Variants in FHIT observed in about 807,000 individuals in gnomAD.
FHIT encodes fragile histidine triad diadenosine triphosphatase.
A neutral mutation model predicts 17.9 loss-of-function variants in FHIT; 19 were observed. The ratio of observed to expected loss-of-function variants is 1.06; its 90% CI spans 0.74 to 1.56. The LOEUF (loss-of-function observed/expected upper bound fraction) is 1.56, where lower values mean the gene tolerates loss of function less well. Among genes scored for constraint, FHIT ranks in the 40% most tolerant of loss-of-function variants. The pLI, the probability that FHIT is intolerant of heterozygous loss-of-function variation, is 0.00. For missense variants in FHIT, 248 were observed against 189.2 expected (o/e 1.31, Z -1.82); for synonymous variants, 81 against 69.7 (o/e 1.16, Z -0.81).
At chr3:60,814,806 C>A (rs537298285) in intron 4 of FHIT, among the ~76,000 whole-genome samples, 4 of 152,112 alleles carry the variant, frequency 2.6e-5, no homozygotes, top group African/African-American at 9.6e-5. Flanking sequence ...AGTGGCCGAA[C>A]TAATTTACAT....
At chr3:60,530,329 G>C (rs1171044762) in intron 5 of FHIT, among the ~76,000 whole-genome samples, 1 of 152,296 alleles carries the variant, frequency 6.6e-6, no homozygotes, top group East Asian at 1.9e-4. Flanking sequence ...CTCAGGAACA[G>C]TGTTTCGTGG....
At chr3:59,791,433 G>A (rs1699554799) in intron 8 of FHIT, among the ~76,000 whole-genome samples, 1 of 152,216 alleles carries the variant, frequency 6.6e-6, no homozygotes. Context: ...CCTGAGAGAA[G>A]CAGAGAGACA....
intron 5 of FHIT, among the ~76,000 whole-genome samples, chr3:60,052,215 C>A (rs1701908853): frequency 6.6e-6 from 1 of 152,072 alleles, no homozygotes; most frequent in Admixed American, 6.6e-5. Context: ...ACCAAGAACA[C>A]CAGAAATAAA....
chr3:60,544,512 G>T (rs2036296161), intron 4 of FHIT, among the ~76,000 whole-genome samples: 1 of 151,144 alleles, frequency 6.6e-6, no homozygotes, highest in Non-Finnish European at 1.5e-5. Context: ...CCGTCACAAG[G>T]TATTATTTTT....
At position 60,732,363 on chromosome 3, in the gene FHIT, T is replaced by C. The variant is rs559881330; in HGVS notation, c.-18+89556A>G. 41 of 833,320 alleles carry C rather than the reference T, an allele frequency of 4.9e-5. No individual in the cohort carries two copies. The East Asian group carries it at 9.8e-4, about 20-fold the overall frequency. 51.6% of individuals were successfully genotyped at this position (833,320 alleles called of 1,614,324 possible). A position where few individuals can be genotyped will look rare whatever the true frequency, so the allele number is the denominator to read the frequency against. On this transcript the variant is annotated intron_variant, in intron 4 of 9. Coordinates refer to ENST00000492590, the MANE Select transcript of FHIT (RefSeq NM_002012.4). Reference sequence around the variant, plus strand: ...CATGGGCAAGATGCCAGTACCTCTATGCTTCAGGATGAAGTTCTCCTCATC... The same window carrying C: ...CATGGGCAAGATGCCAGTACCTCTACGCTTCAGGATGAAGTTCTCCTCATC...
chr3:59,954,890 C>T (rs1391964232), intron 7 of FHIT, among the ~76,000 whole-genome samples: 1 of 152,122 alleles, frequency 6.6e-6, no homozygotes, highest in Non-Finnish European at 1.5e-5. Context: ...CAGAACTGTT[C>T]CAGAAGGTAA....
intron 8 of FHIT, among the ~76,000 whole-genome samples, chr3:59,892,874 G>A (rs927422607): frequency 2.0e-5 from 3 of 152,208 alleles, no homozygotes; most frequent in South Asian, 2.1e-4. Context: ...GTCATATTTG[G>A]GCAGCCTGAA....
intron 5 of FHIT, among the ~76,000 whole-genome samples, chr3:60,018,305 G>T (rs1388513404): frequency 2.6e-5 from 4 of 152,164 alleles, no homozygotes; most frequent in Non-Finnish European, 4.4e-5. Flanking sequence ...AGTGATTCAT[G>T]AAGGATCTGC....
chr3:60,312,403 A>G (rs748954770), intron 5 of FHIT, among the ~76,000 whole-genome samples: 6 of 152,064 alleles, frequency 3.9e-5, no homozygotes, highest in Non-Finnish European at 8.8e-5. Context: ...TTGGCCCCCC[A>G]AAGTGCCAGG....
intron 5 of FHIT, among the ~76,000 whole-genome samples, chr3:60,165,859 G>C (rs546766500): frequency 4.6e-5 from 7 of 152,090 alleles, no homozygotes; most frequent in Non-Finnish European, 1.0e-4. Flanking sequence ...CAATTTCAGG[G>C]CTGTGTGTGT....
chr3:60,452,043 T>C (rs972620338), intron 5 of FHIT, among the ~76,000 whole-genome samples: 1 of 152,172 alleles, frequency 6.6e-6, no homozygotes, highest in Non-Finnish European at 1.5e-5. Context: ...GCTTTCCCTC[T>C]GAGCAAATAA....
At chr3:60,789,173 T>TAGAGAGAG (rs1443026766) in intron 4 of FHIT, among the ~76,000 whole-genome samples, 6 of 98,720 alleles carry the variant, frequency 6.1e-5, no homozygotes, top group African/African-American at 2.3e-4. Context: ...TATATATATA[T>TAGAGAGAG]ATAGAGAGAG....
chr3:59,907,745 A>G (rs1559719363), intron 8 of FHIT, among the ~76,000 whole-genome samples: 2 of 152,214 alleles, frequency 1.3e-5, no homozygotes, highest in Admixed American at 6.5e-5. Context: ...GTGGCTTAAA[A>G]CAACACAAAT....
chr3:61,229,453 T>C (rs1031860912), intron 1 of FHIT, among the ~76,000 whole-genome samples: 1 of 152,140 alleles, frequency 6.6e-6, no homozygotes, highest in African/African-American at 2.4e-5. Flanking sequence ...GGAAATAAAT[T>C]TCTGTTGTTT....
At chr3:61,224,592 T>A (rs1185857312) in intron 1 of FHIT, among the ~76,000 whole-genome samples, 1 of 152,128 alleles carries the variant, frequency 6.6e-6, no homozygotes, top group African/African-American at 2.4e-5. Flanking sequence ...TTATTTTTAA[T>A]AGAGACGGGG....
At chr3:60,106,263 C>A (rs1704406199) in intron 5 of FHIT, among the ~76,000 whole-genome samples, 1 of 152,106 alleles carries the variant, frequency 6.6e-6, no homozygotes, top group Non-Finnish European at 1.5e-5. Flanking sequence ...AAGGAAAAGT[C>A]CCAAAGTATC....
At chr3:60,000,308 G>T (rs1054737252) in intron 7 of FHIT, among the ~76,000 whole-genome samples, 3 of 152,222 alleles carry the variant, frequency 2.0e-5, no homozygotes, top group African/African-American at 7.2e-5. Context: ...ATGGCCCTCA[G>T]GCCAAATTTG....
Position 60,150,308 on chromosome 3 carries a change from A to G in FHIT, c.104-136156T>C, listed in dbSNP as rs139177023. Among the ~76,000 whole-genome samples, 620 of 152,088 alleles carry G rather than the reference A, an allele frequency of 4.1e-3. 4 individuals carry two copies. The highest frequency in any genetic ancestry group is 0.01 in the Middle Eastern group (3 of 292). On this transcript the variant is annotated intron_variant, in intron 5 of 9. Transcript: ENST00000492590. ...CACTGTGCCCGGCCTGCCTTTAAGC[A>G]TTTAATGGGATGTTAGGAATACGGT...
intron 5 of FHIT, among the ~76,000 whole-genome samples, chr3:60,406,623 T>G (rs1402235224): frequency 1.3e-5 from 2 of 151,676 alleles, no homozygotes; most frequent in Non-Finnish European, 2.9e-5. Context: ...GGACTTTCAT[T>G]TGAAAGTTGT....
Sources: allele counts gnomAD v4.1 joint callset (sites outside exome capture counted in the v4.1 genomes callset), GRCh38; gene constraint gnomAD v4.1.1; transcripts MANE v1.5; gene names NCBI Gene and HGNC (gene_info 2026-07-23, HGNC 2026-07-21).